The following ZNF236 variants were observed in gnomAD, a reference collection of about 807,000 sequenced individuals.
ZNF236 encodes the protein zinc finger protein 236, also known as regulated by glucose.
Under a neutral mutation model 191.2 loss-of-function variants are expected in ZNF236, and 50 were observed. The ratio of observed to expected loss-of-function variants is 0.26; its 90% CI spans 0.21 to 0.33. ZNF236 has a LOEUF of 0.33. Ranked by LOEUF, ZNF236 falls within the 10% of genes least tolerant of loss-of-function variation. The probability of loss-of-function intolerance (pLI) is 1.00; values close to 1 mark genes in which losing one functional copy is unlikely to be tolerated. For missense variants in ZNF236, 1,754 were observed against 2,374.5 expected (o/e 0.74, Z 5.43); for synonymous variants, 907 against 928.8 (o/e 0.98, Z 0.43).
Position 76,937,092 on chromosome 18 carries a change from T to C in ZNF236, c.4595-64T>C, listed in dbSNP as rs1432295074. ...CTGCAGGTGGGAGCATCGCTCTCCC[T>C]ATGCCCTTACACCTGGACTTGTCTG... On this transcript the variant is annotated intron_variant, in intron 25 of 30. Transcript: ENST00000320610. 3 of 1,504,238 alleles carry C rather than the reference T, an allele frequency of 2.0e-6. No individual in the cohort carries two copies. In the African/African-American group the frequency reaches 4.1e-5, roughly 21 times the overall value. 93.2% of individuals were successfully genotyped at this position (1,504,238 alleles called of 1,614,324 possible). A position where few individuals can be genotyped will look rare whatever the true frequency, so the allele number is the denominator to read the frequency against.
intron 13 of ZNF236, among the ~76,000 whole-genome samples, chr18:76,906,474 G>A (rs1008535843): frequency 6.6e-6 from 1 of 152,164 alleles, no homozygotes; most frequent in Non-Finnish European, 1.5e-5. Context: ...GCTCGCTGTA[G>A]CAGGATGACG....
chr18:76,968,510 A>G lies in ZNF236; in HGVS notation c.*171A>G. ...CTTTCAGAGACTCATAGGAAAAAAA[A>G]ACTAGGAAAAGTGTCACCGCATTGT... is the stretch of plus-strand genomic sequence containing the variant. On this transcript the variant is annotated 3_prime_UTR_variant, in exon 31 of 31. Coordinates refer to ENST00000320610, the MANE Select transcript of ZNF236 (RefSeq NM_001306089.2). 1 of 1,392,412 alleles carries G rather than the reference A, an allele frequency of 7.2e-7. No homozygotes were observed. The highest frequency in any genetic ancestry group is 9.2e-7 in the Non-Finnish European group (1 of 1,084,456). 86.3% of individuals were successfully genotyped at this position (1,392,412 alleles called of 1,614,324 possible).
intron 1 of ZNF236, among the ~76,000 whole-genome samples, chr18:76,839,088 C>T (rs772688210): frequency 2.0e-5 from 3 of 152,152 alleles, no homozygotes; most frequent in Non-Finnish European, 4.4e-5. Flanking sequence ...TGATAGTATT[C>T]CATCATAAAA....
At chr18:76,856,670 G>A (rs1043174521) in intron 3 of ZNF236, among the ~76,000 whole-genome samples, 4 of 152,058 alleles carry the variant, frequency 2.6e-5, no homozygotes, top group African/African-American at 7.2e-5. Flanking sequence ...AGGTGGATGT[G>A]TGGGGATTAT....
chr18:76,939,340 AAAAC>A (rs893669821), intron 26 of ZNF236, among the ~76,000 whole-genome samples: 14 of 152,144 alleles, frequency 9.2e-5, no homozygotes, highest in Non-Finnish European at 1.8e-4. Context: ...CTCAAAAACA[AAAAC>A]AAACAAACAA....
At chr18:76,837,123 C>T (rs1395015438) in intron 1 of ZNF236, among the ~76,000 whole-genome samples, 1 of 69,604 alleles carries the variant, frequency 1.4e-5, no homozygotes, top group Non-Finnish European at 2.8e-5. Context: ...TGATCCGCAC[C>T]CCCTCCCCCC....
chr18:76,878,211 G>T, intron 7 of ZNF236, 59 bp downstream of exon 7: 3 of 1,497,026 alleles, frequency 2.0e-6, no homozygotes, highest in South Asian at 2.9e-5. Context: ...TTTTAAATAT[G>T]ACCTTTACAA....
At chr18:76,825,461 G>T (rs1974988319) in intron 1 of ZNF236, among the ~76,000 whole-genome samples, 1 of 152,036 alleles carries the variant, frequency 6.6e-6, no homozygotes, top group South Asian at 2.1e-4. Flanking sequence ...GGTGGTGGCG[G>T]TGCCTAAGAG....
At chr18:76,924,082 A>G (rs572936910) in intron 21 of ZNF236, among the ~76,000 whole-genome samples, 1 of 152,288 alleles carries the variant, frequency 6.6e-6, no homozygotes, top group East Asian at 1.9e-4. Flanking sequence ...ATGGGTTAAT[A>G]TTTGTAACTA....
At chr18:76,856,335 A>G (rs1000312315) in intron 3 of ZNF236, among the ~76,000 whole-genome samples, 2 of 152,100 alleles carry the variant, frequency 1.3e-5, no homozygotes, top group Non-Finnish European at 2.9e-5. Context: ...GGCACCTGCC[A>G]CCACGCCTGG....
At chr18:76,885,937 G>C (rs1229405981) in intron 9 of ZNF236, 1 of 152,360 alleles carries the variant, frequency 6.6e-6, no homozygotes, top group Admixed American at 6.5e-5. Context: ...CAGTCTGCTC[G>C]CTGCTCTGGC....
intron 20 of ZNF236, among the ~76,000 whole-genome samples, chr18:76,921,434 G>A (rs1043644450): frequency 4.6e-5 from 7 of 152,198 alleles, no homozygotes; most frequent in Non-Finnish European, 1.0e-4. Flanking sequence ...GGGTTGTGAT[G>A]GAAAACTTGA....
intron 9 of ZNF236, chr18:76,888,600 G>A (rs894091807): frequency 8.5e-5 from 13 of 152,552 alleles, no homozygotes; most frequent in Admixed American, 2.0e-4. Context: ...CCTGACTGTC[G>A]TCTGGGCTAG....
At chr18:76,827,766 A>G (rs1292530012) in intron 1 of ZNF236, among the ~76,000 whole-genome samples, 1 of 152,248 alleles carries the variant, frequency 6.6e-6, no homozygotes, top group Non-Finnish European at 1.5e-5. Context: ...GCATTCATTC[A>G]GCACTTGATG....
At chr18:76,940,057 G>A (rs1968096997) in intron 26 of ZNF236, among the ~76,000 whole-genome samples, 1 of 144,002 alleles carries the variant, frequency 6.9e-6, no homozygotes, top group Non-Finnish European at 1.5e-5. Flanking sequence ...AACACGGTGG[G>A]CGACCCTAGC....
At chr18:76,937,538 A>G (rs1027944038) in intron 26 of ZNF236, among the ~76,000 whole-genome samples, 195 bp downstream of exon 26, 3 of 152,220 alleles carry the variant, frequency 2.0e-5, no homozygotes, top group African/African-American at 7.2e-5. Flanking sequence ...AACATAAAAA[A>G]TAAGGTAAAA....
intron 3 of ZNF236, among the ~76,000 whole-genome samples, chr18:76,856,205 T>C (rs1381658815): frequency 6.6e-6 from 1 of 152,094 alleles, no homozygotes; most frequent in Non-Finnish European, 1.5e-5. Context: ...TTTTTTTTTT[T>C]TTGAGACAGA....
intron 25 of ZNF236, 130 bp from the exon 26 acceptor site, chr18:76,937,026 C>T: frequency 1.4e-6 from 1 of 726,506 alleles, no homozygotes; most frequent in Non-Finnish European, 2.3e-6. Flanking sequence ...CCTGTGATTT[C>T]TTTGGTGCAG....
At chr18:76,932,430 A>G (rs1484851489) in intron 25 of ZNF236, among the ~76,000 whole-genome samples, 3 of 152,238 alleles carry the variant, frequency 2.0e-5, no homozygotes, top group Non-Finnish European at 4.4e-5. Context: ...TAAAACTCAT[A>G]GTTTGTGGTT....
Sources: gnomAD v4.1 joint callset for allele counts (sites outside exome capture counted in the v4.1 genomes callset) on GRCh38, gnomAD v4.1.1 for gene constraint, MANE v1.5 for transcripts, NCBI Gene and HGNC (gene_info 2026-07-23, HGNC 2026-07-21) for gene names.